ZNF705A: variants seen among roughly 807,000 people sequenced by gnomAD.
The protein encoded by ZNF705A is zinc finger protein 705A.
Under a neutral mutation model 16.6 loss-of-function variants are expected in ZNF705A, and 8 were observed. That is an observed-to-expected ratio of 0.48 (90% CI 0.28 to 0.87). ZNF705A has a LOEUF of 0.87. ZNF705A is among the 40% of genes least tolerant of loss of function. The pLI, the probability that ZNF705A is intolerant of heterozygous loss-of-function variation, is 0.10. For missense variants in ZNF705A, 233 were observed against 359.9 expected (o/e 0.65, Z 2.85); for synonymous variants, 73 against 117.3 (o/e 0.62, Z 2.44).
exon 5 of ZNF705A, chr12:8,178,583 T>C (rs905849875): frequency 1.3e-5 from 2 of 152,156 alleles, no homozygotes; most frequent in African/African-American, 2.4e-5. Flanking sequence ...TAACACATAC[T>C]TTAGCAAAAT....
chr12:8,167,195 T>C (rs1948406114), intron 1 of ZNF705A, among the ~76,000 whole-genome samples: 1 of 152,264 alleles, frequency 6.6e-6, no homozygotes, highest in Admixed American at 6.5e-5. Context: ...GTTTGTCTGG[T>C]TTCTTGCTGT....
intron 1 of ZNF705A, among the ~76,000 whole-genome samples, chr12:8,167,536 A>T (rs1350324917): frequency 2.0e-5 from 3 of 152,172 alleles, no homozygotes; most frequent in Admixed American, 2.0e-4. Flanking sequence ...GCATCTGAAG[A>T]GTTTAAGACC....
chr12:8,170,196 C>CAAAAAAAAA (rs1188328005), upstream of ZNF705A, among the ~76,000 whole-genome samples: 26 of 126,514 alleles, frequency 2.1e-4, 2 homozygotes, highest in African/African-American at 9.6e-4. Context: ...CCCCCCCCCC[C>CAAAAAAAAA]AAAAAAAAAA....
chr12:8,171,617 A>G (rs1056302295), upstream of ZNF705A, among the ~76,000 whole-genome samples: 23 of 152,334 alleles, frequency 1.5e-4, no homozygotes, highest in Admixed American at 1.4e-3. Flanking sequence ...GGACAGAAAC[A>G]CCATGACTCA....
chr12:8,162,513 G>A (rs951892430), intron 1 of ZNF705A, among the ~76,000 whole-genome samples: 1 of 152,088 alleles, frequency 6.6e-6, no homozygotes, highest in African/African-American at 2.4e-5. Flanking sequence ...CATGTTCCAG[G>A]TCACTAGAAG....
At chr12:8,160,310 C>T (rs1948343146) in intron 1 of ZNF705A, among the ~76,000 whole-genome samples, 1 of 151,958 alleles carries the variant, frequency 6.6e-6, no homozygotes, top group Non-Finnish European at 1.5e-5. Context: ...TATGCAGGCT[C>T]CTTTTTGGTT....
chr12:8,175,625 T>C (rs1311998256), intron 3 of ZNF705A, among the ~76,000 whole-genome samples: 1 of 152,202 alleles, frequency 6.6e-6, no homozygotes, highest in Non-Finnish European at 1.5e-5. Context: ...ATCCCTCTAT[T>C]TACCTGCCTG....
intron 4 of ZNF705A, among the ~76,000 whole-genome samples, chr12:8,176,659 T>C (rs1381740652): frequency 6.6e-6 from 1 of 152,198 alleles, no homozygotes. Context: ...TAAAGACAAG[T>C]TATCAGTTTG....
chr12:8,170,474 G>C (rs554366879), upstream of ZNF705A, among the ~76,000 whole-genome samples: 4 of 152,098 alleles, frequency 2.6e-5, no homozygotes, highest in Non-Finnish European at 4.4e-5. Context: ...TATGAAATAA[G>C]TATGCTTTAA....
chr12:8,176,341 C>T (rs1948483941), intron 4 of ZNF705A, among the ~76,000 whole-genome samples: 1 of 152,142 alleles, frequency 6.6e-6, no homozygotes, highest in Non-Finnish European at 1.5e-5. Context: ...AAGTTAAGGA[C>T]ATGCACCCAG....
chr12:8,176,263 T>C (rs1020050554), intron 4 of ZNF705A, among the ~76,000 whole-genome samples: 3 of 152,188 alleles, frequency 2.0e-5, no homozygotes, highest in Non-Finnish European at 4.4e-5. Context: ...GGAGATAATG[T>C]GTATGCAAAT....
At chr12:8,179,651 C>T (rs1435770590) in exon 5 of ZNF705A, 2 of 152,340 alleles carry the variant, frequency 1.3e-5, no homozygotes, top group African/African-American at 2.4e-5. Context: ...TTTTACTCTG[C>T]AGCCAGGGTT....
intron 1 of ZNF705A, among the ~76,000 whole-genome samples, chr12:8,163,407 A>G (rs1948373227): frequency 6.6e-6 from 1 of 152,202 alleles, no homozygotes; most frequent in Non-Finnish European, 1.5e-5. Context: ...ATACAAATAC[A>G]TTGAATGATA....
intron 1 of ZNF705A, among the ~76,000 whole-genome samples, chr12:8,173,514 G>C (rs1948461400): frequency 6.6e-6 from 1 of 152,172 alleles, no homozygotes. Flanking sequence ...CTGATGTTTG[G>C]ATTGCCGAGA....
intron 4 of ZNF705A, among the ~76,000 whole-genome samples, chr12:8,176,569 T>A (rs1042244010): frequency 6.6e-6 from 1 of 152,208 alleles, no homozygotes; most frequent in African/African-American, 2.4e-5. Context: ...GCATTTTACA[T>A]AAGACAACAT....
intron 1 of ZNF705A, among the ~76,000 whole-genome samples, chr12:8,166,131 A>G (rs7974767): frequency 0.54 from 82,155 of 151,954 alleles, 22,417 homozygotes; most frequent in Non-Finnish European, 0.57. Flanking sequence ...CGGGTCTGGA[A>G]GATGGTGGCT....
intron 1 of ZNF705A, among the ~76,000 whole-genome samples, chr12:8,165,274 G>T: frequency 3.0e-5 from 4 of 134,330 alleles, no homozygotes; most frequent in Non-Finnish European, 6.1e-5. Flanking sequence ...TCAGATCTTT[G>T]CCCATTTTTT....
upstream of ZNF705A, among the ~76,000 whole-genome samples, chr12:8,167,754 C>T (rs111564178): frequency 1.8e-3 from 276 of 152,266 alleles, 1 homozygote; most frequent in African/African-American, 6.4e-3. Flanking sequence ...AAACTTCAGT[C>T]CTTGCCTCCT....
At chr12:8,161,007 C>A (rs1040556689) in intron 1 of ZNF705A, among the ~76,000 whole-genome samples, 1 of 152,068 alleles carries the variant, frequency 6.6e-6, no homozygotes, top group African/African-American at 2.4e-5. Context: ...CCCCTGTATG[C>A]GGATTTTGCT....
Sources: gnomAD v4.1 joint callset for allele counts (sites outside exome capture counted in the v4.1 genomes callset) on GRCh38, gnomAD v4.1.1 for gene constraint, MANE v1.5 for transcripts, NCBI Gene and HGNC (gene_info 2026-07-23, HGNC 2026-07-21) for gene names.